The following GABRG3 variants were observed in gnomAD, a reference collection of about 807,000 sequenced individuals.
GABRG3 encodes the protein gamma-aminobutyric acid receptor subunit gamma-3.
A neutral mutation model predicts 48.8 loss-of-function variants in GABRG3; 25 were observed. The observed-to-expected ratio is 0.51, with a 90% CI of 0.37 to 0.72. The LOEUF (loss-of-function observed/expected upper bound fraction) is 0.72, where lower values mean the gene tolerates loss of function less well. Among genes scored for constraint, GABRG3 ranks in the 30% least tolerant of loss-of-function variants. The pLI, the probability that GABRG3 is intolerant of heterozygous loss-of-function variation, is 0.00. For synonymous variants in GABRG3, 227 were observed against 217.6 expected, an observed-to-expected ratio of 1.04 and a Z score of -0.38; for missense variants, 394 against 577.9, an observed-to-expected ratio of 0.68 and a Z score of 3.26.
chr15:27,493,233 T>C (rs948706819), intron 6 of GABRG3, among the ~76,000 whole-genome samples: 3 of 152,194 alleles, frequency 2.0e-5, no homozygotes, highest in African/African-American at 7.2e-5. Flanking sequence ...ACATGAGACA[T>C]ACTCTTTTCC....
chr15:27,004,066 C>T (rs552575542), intron 2 of GABRG3, among the ~76,000 whole-genome samples: 15 of 145,870 alleles, frequency 1.0e-4, no homozygotes, highest in African/African-American at 3.3e-4. Context: ...GGCGGCTGAC[C>T]CGGCGGGGGG....
chr15:26,994,837 TTTAAAATTTATTGAGGCTTGTTTTATGGC>T (rs759395286), intron 2 of GABRG3, among the ~76,000 whole-genome samples: 87 of 152,080 alleles, frequency 5.7e-4, no homozygotes, highest in Non-Finnish European at 8.8e-4. Context: ...ATTTCAGTCT[TTTAAAATTTATTGAGGCTTGTTTTATGGC>T]TTAGCATAAG....
At chr15:27,073,552 C>T (rs1896860736) in intron 3 of GABRG3, among the ~76,000 whole-genome samples, 1 of 152,248 alleles carries the variant, frequency 6.6e-6, no homozygotes, top group Non-Finnish European at 1.5e-5. Context: ...ATTCTGCCTG[C>T]TATCATATAG....
intron 3 of GABRG3, among the ~76,000 whole-genome samples, chr15:27,209,656 A>G (rs963036513): frequency 6.6e-6 from 1 of 152,120 alleles, no homozygotes; most frequent in Non-Finnish European, 1.5e-5. Flanking sequence ...GGTCTTATAC[A>G]GGGCAGCTGT....
At chr15:27,239,715 T>A (rs1566976541) in intron 3 of GABRG3, among the ~76,000 whole-genome samples, 1 of 152,220 alleles carries the variant, frequency 6.6e-6, no homozygotes, top group Non-Finnish European at 1.5e-5. Flanking sequence ...GTCTAAAGGA[T>A]GAAAAATTTT....
chr15:27,394,322 T>C (rs1887235280), intron 5 of GABRG3, among the ~76,000 whole-genome samples: 1 of 152,150 alleles, frequency 6.6e-6, no homozygotes, highest in Admixed American at 6.5e-5. Flanking sequence ...TAATACTAAC[T>C]TTATTTTAGT....
At chr15:27,257,687 T>A (rs1487856025) in intron 3 of GABRG3, among the ~76,000 whole-genome samples, 1 of 152,172 alleles carries the variant, frequency 6.6e-6, no homozygotes, top group Non-Finnish European at 1.5e-5. Context: ...TTTAAAAAAT[T>A]TTAGACACAT....
intron 6 of GABRG3, among the ~76,000 whole-genome samples, chr15:27,495,836 G>A (rs1243736308): frequency 1.3e-5 from 2 of 152,186 alleles, no homozygotes; most frequent in African/African-American, 4.8e-5. Flanking sequence ...GGCATCTGTT[G>A]ATTGTCCCTT....
In GABRG3 at chr15:27,318,900, A is replaced by C. The variant is rs561770557; in HGVS notation, c.271-7909A>C. Among the ~76,000 whole-genome samples the C allele has an allele frequency of 4.3e-4, 66 of 152,254 alleles. 1 individual carries two copies. The highest frequency in any genetic ancestry group is 1.5e-3 in the African/African-American group (64 of 41,526). On this transcript the variant is annotated intron_variant, in intron 3 of 9. Coordinates refer to ENST00000615808, the MANE Select transcript of GABRG3 (RefSeq NM_033223.5). ...GGTTACCAGGACCTGGGAACAGAGG[A>C]AATAAGGAGATGTTGGTCAGTGGTC...
At chr15:27,263,531 A>C (rs571859448) in intron 3 of GABRG3, among the ~76,000 whole-genome samples, 15 of 152,274 alleles carry the variant, frequency 9.9e-5, no homozygotes, top group African/African-American at 3.6e-4. Flanking sequence ...GGAGCGTCCG[A>C]TGCACAGATG....
At chr15:27,353,020 T>C (rs569707488) in intron 5 of GABRG3, among the ~76,000 whole-genome samples, 1 of 152,276 alleles carries the variant, frequency 6.6e-6, no homozygotes, top group Non-Finnish European at 1.5e-5. Flanking sequence ...TGTTCCTTCA[T>C]GTTCTTTTCC....
intron 5 of GABRG3, among the ~76,000 whole-genome samples, chr15:27,466,121 G>A (rs8038811): frequency 0.38 from 58,163 of 152,114 alleles, 14,514 homozygotes; most frequent in African/African-American, 0.7. Context: ...ATGCCAGACC[G>A]CACTGAGTTG....
chr15:27,495,446 T>C (rs975638472), intron 6 of GABRG3, among the ~76,000 whole-genome samples: 1 of 152,220 alleles, frequency 6.6e-6, no homozygotes, highest in Admixed American at 6.5e-5. Flanking sequence ...TGCAAATATC[T>C]CTTTGAGATC....
At chr15:27,260,107 A>G (rs1452863854) in intron 3 of GABRG3, among the ~76,000 whole-genome samples, 2 of 152,184 alleles carry the variant, frequency 1.3e-5, no homozygotes, top group African/African-American at 2.4e-5. Context: ...CCGGGCTGCT[A>G]TAACTAAGTA....
intron 5 of GABRG3, among the ~76,000 whole-genome samples, chr15:27,430,631 C>T (rs1169009900): frequency 6.6e-6 from 1 of 152,002 alleles, no homozygotes; most frequent in East Asian, 1.9e-4. Flanking sequence ...TCCCATTGTC[C>T]CAGCAACATT....
At chr15:27,033,574 G>T (rs1566914944) in intron 3 of GABRG3, among the ~76,000 whole-genome samples, 1 of 151,864 alleles carries the variant, frequency 6.6e-6, no homozygotes, top group African/African-American at 2.4e-5. Flanking sequence ...TTGTTTTCAG[G>T]TTTTTTCTAT....
intron 3 of GABRG3, among the ~76,000 whole-genome samples, chr15:27,210,769 C>T (rs1595588105): frequency 6.6e-6 from 1 of 152,292 alleles, no homozygotes; most frequent in African/African-American, 2.4e-5. Context: ...TTCGAGCAGG[C>T]CCCTTTGGGG....
At position 27,511,461 on chromosome 15, in the gene GABRG3, C is replaced by T. The variant is rs144158175; in HGVS notation, c.713-8511C>T. Among the ~76,000 whole-genome samples the T allele has an allele frequency of 1.8e-4, 28 of 152,346 alleles. No homozygotes were observed. The East Asian group carries it at 4.4e-3, about 24-fold the overall frequency. ...TGAGTTACAAAAGAGATTAGCTATACTGCTACTAACCATGGAAAAGGAAAC... is the reference window on the plus strand; with the variant it reads ...TGAGTTACAAAAGAGATTAGCTATATTGCTACTAACCATGGAAAAGGAAAC... On this transcript the variant is annotated intron_variant, in intron 6 of 9. Transcript: ENST00000615808.
chr15:27,166,525 C>T (rs1396319964), intron 3 of GABRG3, among the ~76,000 whole-genome samples: 2 of 152,048 alleles, frequency 1.3e-5, no homozygotes, highest in Non-Finnish European at 2.9e-5. Flanking sequence ...GCAGGGAGGC[C>T]ACTGCCTGCG....
Sources: gnomAD v4.1 joint callset for allele counts (sites outside exome capture counted in the v4.1 genomes callset) on GRCh38, gnomAD v4.1.1 for gene constraint, MANE v1.5 for transcripts, NCBI Gene and HGNC (gene_info 2026-07-23, HGNC 2026-07-21) for gene names.